Variants in RALYL observed in about 807,000 individuals in gnomAD.
RALYL encodes RNA-binding Raly-like protein.
In RALYL, 29 loss-of-function variants were observed where a neutral mutation model predicts 35.1. The observed-to-expected ratio is 0.83, with a 90% CI of 0.61 to 1.13. The LOEUF (loss-of-function observed/expected upper bound fraction) is 1.13, where lower values mean the gene tolerates loss of function less well. Ranked by LOEUF, RALYL falls within the 50% of genes most tolerant of loss-of-function variation. The pLI is 0.00. For synonymous variants in RALYL, 120 were observed against 127.6 expected (o/e 0.94, Z 0.40); for missense variants, 359 against 360.4 (o/e 1.00, Z 0.03).
At chr8:84,512,938 T>C (rs1380775377) in intron 1 of RALYL, among the ~76,000 whole-genome samples, 5 of 152,196 alleles carry the variant, frequency 3.3e-5, no homozygotes, top group Admixed American at 3.3e-4. Context: ...AGCCTTGGAA[T>C]ATATTTCGAA....
At chr8:84,835,349 G>A (rs1482541929) in intron 4 of RALYL, among the ~76,000 whole-genome samples, 1 of 152,042 alleles carries the variant, frequency 6.6e-6, no homozygotes, top group African/African-American at 2.4e-5. Flanking sequence ...GGGGGAAGAT[G>A]TGGAGCTTGA....
At chr8:84,189,072 G>A (rs1386931243) in intron 1 of RALYL, among the ~76,000 whole-genome samples, 1 of 152,034 alleles carries the variant, frequency 6.6e-6, no homozygotes, top group African/African-American at 2.4e-5. Context: ...ACATTTTCTG[G>A]GCTGTCCTTG....
At chr8:84,643,350 T>G (rs565304199) in intron 2 of RALYL, among the ~76,000 whole-genome samples, 2 of 151,994 alleles carry the variant, frequency 1.3e-5, no homozygotes, top group South Asian at 4.1e-4. Context: ...CAGAGGATAG[T>G]TGAGTGCATT....
At chr8:84,841,032 A>C (rs1359398651) in intron 4 of RALYL, among the ~76,000 whole-genome samples, 1 of 152,246 alleles carries the variant, frequency 6.6e-6, no homozygotes, top group African/African-American at 2.4e-5. Flanking sequence ...TGTAAAGACC[A>C]TCGAGTCTAG....
chr8:84,700,483 AGAATT>A (rs1299000820), intron 2 of RALYL, among the ~76,000 whole-genome samples: 1 of 152,120 alleles, frequency 6.6e-6, no homozygotes, highest in Non-Finnish European at 1.5e-5. Flanking sequence ...TAAGGAGTAC[AGAATT>A]GATTTGTTTG....
At chr8:84,645,763 A>G (rs1008324162) in intron 2 of RALYL, among the ~76,000 whole-genome samples, 1 of 152,086 alleles carries the variant, frequency 6.6e-6, no homozygotes, top group Non-Finnish European at 1.5e-5. Flanking sequence ...TATTCCTTTC[A>G]CACTTCAAGG....
chr8:84,664,758 C>T (rs1423089883), intron 2 of RALYL, among the ~76,000 whole-genome samples: 8 of 151,998 alleles, frequency 5.3e-5, no homozygotes, highest in South Asian at 2.1e-4. Context: ...GATATAGGAT[C>T]GTGTCATCTA....
At chr8:84,817,389 G>A (rs375001879) in intron 4 of RALYL, among the ~76,000 whole-genome samples, 4 of 151,840 alleles carry the variant, frequency 2.6e-5, no homozygotes, top group South Asian at 2.1e-4. Flanking sequence ...TATAGTATTA[G>A]CCACTTGCTT....
rs1453050127 is a variant in RALYL at position 84,310,404 on chromosome 8, T to A, written c.-24+125980T>A. 2.6e-5 allele frequency among the ~76,000 whole-genome samples: 4 copies of A among 151,960 alleles called. No homozygotes were observed. The East Asian group carries it at 7.8e-4, about 30-fold the overall frequency. On this transcript the variant is annotated intron_variant, in intron 1 of 8. Transcript: ENST00000521268. ...CAGAGAAAAATTGAATATATGTTAATTTAATAGTGGTAATCATCACACAAT... is the reference window on the plus strand; with the variant it reads ...CAGAGAAAAATTGAATATATGTTAAATTAATAGTGGTAATCATCACACAAT...
intron 2 of RALYL, among the ~76,000 whole-genome samples, chr8:84,540,333 GTGTGTA>G (rs1037697744): frequency 6.6e-6 from 1 of 151,814 alleles, no homozygotes; most frequent in African/African-American, 2.4e-5. Flanking sequence ...GTGTGTGTGT[GTGTGTA>G]TGTGTAAACT....
intron 1 of RALYL, among the ~76,000 whole-genome samples, chr8:84,472,007 C>G (rs955471904): frequency 6.6e-6 from 1 of 152,132 alleles, no homozygotes; most frequent in African/African-American, 2.4e-5. Flanking sequence ...CTGCAAAATT[C>G]TCAGTAGGAA....
At chr8:84,557,281 C>T (rs941351296) in intron 2 of RALYL, among the ~76,000 whole-genome samples, 2 of 152,072 alleles carry the variant, frequency 1.3e-5, no homozygotes, top group Non-Finnish European at 2.9e-5. Flanking sequence ...TATAAATAAT[C>T]CTGGGAGAAG....
At chr8:84,899,174 T>C (rs1475359780) in intron 8 of RALYL, among the ~76,000 whole-genome samples, 2 of 152,168 alleles carry the variant, frequency 1.3e-5, no homozygotes, top group Non-Finnish European at 2.9e-5. Flanking sequence ...ACATCTCCTC[T>C]CTTAAAGATC....
intron 1 of RALYL, among the ~76,000 whole-genome samples, chr8:84,244,777 C>T (rs750918121): frequency 1.3e-5 from 2 of 152,176 alleles, no homozygotes; most frequent in Non-Finnish European, 2.9e-5. Flanking sequence ...AGGTCAGGAG[C>T]TTGAATTATC....
chr8:84,595,440 G>A (rs1487365389), intron 2 of RALYL, among the ~76,000 whole-genome samples: 2 of 152,132 alleles, frequency 1.3e-5, no homozygotes, highest in Non-Finnish European at 2.9e-5. Context: ...GATGTACAAT[G>A]AGTCTACTTG....
intron 3 of RALYL, among the ~76,000 whole-genome samples, chr8:84,781,409 G>C (rs1009231633): frequency 6.6e-6 from 1 of 152,104 alleles, no homozygotes; most frequent in Non-Finnish European, 1.5e-5. Flanking sequence ...AATTCTCTCT[G>C]CTAGGCTAAA....
intron 1 of RALYL, among the ~76,000 whole-genome samples, chr8:84,481,282 T>C (rs574393656): frequency 2.0e-5 from 3 of 152,296 alleles, no homozygotes; most frequent in South Asian, 4.1e-4. Flanking sequence ...CATTATAAAA[T>C]TGAAGTATTT....
At chr8:84,389,192 A>C (rs1374485744) in intron 1 of RALYL, among the ~76,000 whole-genome samples, 1 of 152,034 alleles carries the variant, frequency 6.6e-6, no homozygotes. Context: ...GTTCTGTTCC[A>C]TTGATCTATA....
chr8:84,570,878 C>A (rs1408022562), intron 2 of RALYL, among the ~76,000 whole-genome samples: 2 of 151,672 alleles, frequency 1.3e-5, no homozygotes, highest in Non-Finnish European at 2.9e-5. Flanking sequence ...TGCCATGAAT[C>A]AAATTTATTG....
Sources: gnomAD v4.1 joint callset for allele counts (sites outside exome capture counted in the v4.1 genomes callset) on GRCh38, gnomAD v4.1.1 for gene constraint, MANE v1.5 for transcripts, NCBI Gene and HGNC (gene_info 2026-07-23, HGNC 2026-07-21) for gene names.